ID4: variants seen among roughly 807,000 people sequenced by gnomAD.
ID4 encodes inhibitor of DNA binding 4.
A neutral mutation model predicts 8.6 loss-of-function variants in ID4; 9 were observed. That is an observed-to-expected ratio of 1.04 (90% CI 0.63 to 1.82). The LOEUF is 1.82. Ranked by LOEUF, ID4 falls within the 40% of genes most tolerant of loss-of-function variation. The pLI is 0.00. For synonymous variants in ID4, 180 were observed against 118.0 expected (o/e 1.53, Z -3.41); for missense variants, 270 against 235.1 (o/e 1.15, Z -0.97).
At chr6:19,838,317 T>C in intron 1 of ID4, 122 bp downstream of exon 1, 6 of 1,017,448 alleles carry the variant, frequency 5.9e-6, no homozygotes, top group Non-Finnish European at 7.9e-6. Flanking sequence ...GACAGCCCCC[T>C]CCCCCTGCTC....
At position 19,838,209 on chromosome 6, in the gene ID4, C is replaced by A; in HGVS notation, c.441+14C>A. The A allele has an allele frequency of 1.5e-6, 2 of 1,346,372 alleles. No individual in the cohort carries two copies. The highest frequency in any genetic ancestry group is 1.9e-6 in the Non-Finnish European group (2 of 1,055,258). 83.4% of individuals were successfully genotyped at this position (1,346,372 alleles called of 1,614,324 possible). On this transcript the variant is annotated intron_variant, in intron 1 of 2. Coordinates refer to ENST00000378700, the MANE Select transcript of ID4 (RefSeq NM_001546.4). ...AACACCGACCCGGTGAGAGGCCGGG[C>A]GCCGGCCGTGGGCGGACGCCGCGGG... is the stretch of plus-strand genomic sequence containing the variant.
In ID4 at chr6:19,841,189, GTA is replaced by G. The variant is rs1193038487; in HGVS notation, c.*1996_*1997del. Among the ~76,000 whole-genome samples the G allele has an allele frequency of 6.6e-6, 1 of 152,156 alleles. No individual in the cohort carries two copies. The highest frequency in any genetic ancestry group is 1.9e-4 in the East Asian group (1 of 5,204). ...AGCTCTGATAATTTACTGGTCTTGA[GTA>G]TTTTGAGAATTTGATGTTGAACGTT... On this transcript the variant is annotated 3_prime_UTR_variant, in exon 3 of 3. Transcript: ENST00000378700.
At position 19,838,166 on chromosome 6, in the gene ID4, ACC is replaced by A. The variant is rs1761266797; in HGVS notation, c.415_416del (p.Pro139AlafsTer40). ...GACCTGTCCAGCCGCGCCGCCGCGGACCCCGCTCACTGCGCTCAACACCGACC... is the reference window on the plus strand; with the variant it reads ...GACCTGTCCAGCCGCGCCGCCGCGGACCGCTCACTGCGCTCAACACCGACC... ...AGTCPAAPPR[T>X]PLTALNTDPA... On this transcript the variant is annotated frameshift_variant, in exon 1 of 3. Coordinates refer to ENST00000378700, the MANE Select transcript of ID4 (RefSeq NM_001546.4). LOFTEE classifies it high-confidence loss of function. 2 of 1,502,114 alleles carry A rather than the reference ACC, an allele frequency of 1.3e-6. No individual in the cohort carries two copies. Among genetic ancestry groups the A allele is most frequent in the Non-Finnish European group, 1.8e-6 (2 of 1,125,238 alleles). The allele number at this position is 1,502,114 out of a possible 1,614,324, so 93.0% of individuals were successfully genotyped here.
Position 19,839,198 on chromosome 6 carries a change from C to T in ID4, c.*15-12C>T, listed in dbSNP as rs41271301. 1.9e-3 allele frequency: 287 copies of T among 154,150 alleles called. 1 individual carries two copies. Among genetic ancestry groups the T allele is most frequent in the Non-Finnish European group, 2.8e-3 (195 of 68,966 alleles). 9.5% of individuals were successfully genotyped at this position (154,150 alleles called of 1,614,324 possible). A position where few individuals can be genotyped will look rare whatever the true frequency, so the allele number is the denominator to read the frequency against. ...GGTTCACACACCCCCTCTATTCATT[C>T]CTCTTCCACAGGTGTGCGGCCGCCT... is the stretch of plus-strand genomic sequence containing the variant. On this transcript the variant is annotated splice_polypyrimidine_tract_variant and intron_variant, in intron 2 of 2. Transcript: ENST00000378700.
Position 19,838,102 on chromosome 6 carries a change from G to A in ID4, c.348G>A (p.Arg116=). ...TGGAGACGCACCCGGCCCTGCTGAG[G>A]CAGCCACCACCGCCCGCGCCGCCAC... ...LALETHPALL[R]QPPPPAPPHH... is the part of the protein sequence containing the mutation. Residue 116 remains arginine, a synonymous_variant, in exon 1 of 3, where the codon AGG becomes AGA. Transcript: ENST00000378700. 1.9e-6 allele frequency: 3 copies of A among 1,598,800 alleles called. No individual in the cohort carries two copies. The highest frequency in any genetic ancestry group is 2.6e-6 in the Non-Finnish European group (3 of 1,173,476).
intron 1 of ID4, 90 bp downstream of exon 1, chr6:19,838,285 C>A: frequency 8.5e-7 from 1 of 1,183,232 alleles, no homozygotes; most frequent in Non-Finnish European, 1.1e-6. Flanking sequence ...CACCGTCCTC[C>A]GGGCAGGGGC....
rs1456186910 is a variant in ID4, at chr6:19,839,536, C to G, written c.*341C>G. The G allele has an allele frequency of 4.6e-5, 7 of 152,336 alleles. No individual in the cohort carries two copies. Among genetic ancestry groups the G allele is most frequent in the Non-Finnish European group, 8.8e-5 (6 of 67,986 alleles). 9.4% of individuals were successfully genotyped at this position (152,336 alleles called of 1,614,324 possible). ...ATAAATAGAAGATCAAGAGTAGATC[C>G]GACTTTAGAAGCCTACTTTGTGACC... On this transcript the variant is annotated 3_prime_UTR_variant, in exon 3 of 3. Transcript: ENST00000378700.
chr6:19,839,371 T>C lies in ID4; in HGVS notation c.*176T>C, dbSNP rs1761308649. 1.3e-5 allele frequency: 2 copies of C among 152,776 alleles called. No homozygotes were observed. Among genetic ancestry groups the C allele is most frequent in the African/African-American group, 4.8e-5 (2 of 41,570 alleles). The allele number at this position is 152,776 out of a possible 1,614,324, so 9.5% of individuals were successfully genotyped here. On this transcript the variant is annotated 3_prime_UTR_variant, in exon 3 of 3. Transcript: ENST00000378700. ...AGAGAGAGGAAAGAAAAATACAACT[T>C]TCATTCTTTCTTTGCACGTTCATAA...
intron 1 of ID4, 52 bp from the exon 2 acceptor site, chr6:19,838,532 C>A (rs1039604776): frequency 3.1e-6 from 5 of 1,611,488 alleles, no homozygotes; most frequent in Non-Finnish European, 4.2e-6. Context: ...CCGTGTCGAG[C>A]GCGTTGTTTG....
chr6:19,838,827 C>A (rs1581595319), intron 2 of ID4, 185 bp downstream of exon 2: 2 of 586,714 alleles, frequency 3.4e-6, no homozygotes, highest in East Asian at 5.9e-5. Context: ...CCTTAGAACT[C>A]GAGGTTCAGT....
chr6:19,837,918 C>T lies in ID4; in HGVS notation c.164C>T (p.Ala55Val), dbSNP rs772859582. Residue 55 changes from alanine (A) to valine (V), a missense_variant, in exon 1 of 3, where the codon GCG becomes GTG. Around this residue, in one of 3 missense-constraint regions of ID4, gnomAD observed 160 missense variants for 131.5 expected, o/e 1.22. Transcript: ENST00000378700. ...GCAGCGCGCTGTAAGGCGGCCGAGGCGGCGGCCGACGAGCCGGCGCTGTGC... is the reference window on the plus strand; with the variant it reads ...GCAGCGCGCTGTAAGGCGGCCGAGGTGGCGGCCGACGAGCCGGCGCTGTGC... ...AAAARCKAAE[A>V]AADEPALCLQ... The T allele has an allele frequency of 1.5e-5, 22 of 1,426,938 alleles. 1 individual carries two copies. In the South Asian group the frequency reaches 2.7e-4, roughly 18 times the overall value. The allele number at this position is 1,426,938 out of a possible 1,614,324, so 88.4% of individuals were successfully genotyped here.
Position 19,837,828 on chromosome 6 carries a change from T to G in ID4, c.74T>G (p.Leu25Arg). Residue 25 changes from leucine to arginine, a missense_variant, in exon 1 of 3, where the codon CTG (leucine) becomes CGG (arginine). Transcript: ENST00000378700. Reference sequence around the variant, plus strand: ...GGCTGCGGCGGCGGGGAGCTGGCGCTGCGCTGCCTGGCCGAGCACGGCCAC... The same window carrying G: ...GGCTGCGGCGGCGGGGAGCTGGCGCGGCGCTGCCTGGCCGAGCACGGCCAC... Reference protein sequence around the residue: ...PSGCGGGELALRCLAEHGHSL... With the variant: ...PSGCGGGELARRCLAEHGHSL... The G allele has an allele frequency of 8.7e-7, 1 of 1,152,266 alleles. No individual in the cohort carries two copies. The highest frequency in any genetic ancestry group is 1.1e-6 in the Non-Finnish European group (1 of 937,150). 71.4% of individuals were successfully genotyped at this position (1,152,266 alleles called of 1,614,324 possible). A position where few individuals can be genotyped will look rare whatever the true frequency, so the allele number is the denominator to read the frequency against.
At position 19,837,579 on chromosome 6, in the gene ID4, G is replaced by T. The variant is rs1761243261; in HGVS notation, c.-176G>T. 2 of 290,854 alleles carry T rather than the reference G, an allele frequency of 6.9e-6. No homozygotes were observed. 18.0% of individuals were successfully genotyped at this position (290,854 alleles called of 1,614,324 possible). On this transcript the variant is annotated 5_prime_UTR_variant, in exon 1 of 3. Coordinates refer to ENST00000378700, the MANE Select transcript of ID4 (RefSeq NM_001546.4). ...TCGCCCACTGAGCAAAGATTCCCTC[G>T]TAAAACCCAGAGCGACCCTCCCGTC...
At position 19,839,615 on chromosome 6, in the gene ID4, TA is replaced by T. The variant is rs1761314147; in HGVS notation, c.*421del. On this transcript the variant is annotated 3_prime_UTR_variant, in exon 3 of 3. Transcript: ENST00000378700. The stretch of plus-strand genomic sequence containing the variant: ...TACTAATCTACCAGAGCATTGTAGA[TA>T]TTTTTTTTTTACATCTATTGTTTAA... The T allele has an allele frequency of 7.0e-6, 1 of 141,922 alleles. No individual in the cohort carries two copies. Among genetic ancestry groups the T allele is most frequent in the Non-Finnish European group, 1.5e-5 (1 of 64,908 alleles). The allele number at this position is 141,922 out of a possible 1,614,324, so 8.8% of individuals were successfully genotyped here. A position where few individuals can be genotyped will look rare whatever the true frequency, so the allele number is the denominator to read the frequency against.
rs1761270166 is a variant in ID4 at position 19,838,254 on chromosome 6, T to G, written c.441+59T>G. The G allele has an allele frequency of 2.3e-6, 3 of 1,294,560 alleles. No individual in the cohort carries two copies. The East Asian group carries it at 9.6e-5, about 41-fold the overall frequency. The allele number at this position is 1,294,560 out of a possible 1,614,324, so 80.2% of individuals were successfully genotyped here. On this transcript the variant is annotated intron_variant, in intron 1 of 2. Transcript: ENST00000378700. ...CGCGGGGGATGGGAGGTTGGTGGCG[T>G]GGTGGCGGGACGCGGGCGCTCACCG...
rs567998355 is a variant in ID4, at chr6:19,841,302, C to A, written c.*2107C>A. On this transcript the variant is annotated 3_prime_UTR_variant, in exon 3 of 3. Transcript: ENST00000378700. The stretch of plus-strand genomic sequence containing the variant: ...CTTGTCACACATCAAGAAGAAAACA[C>A]TAGAGTGCTGCTGGAATTCCAAATC... 6.6e-6 allele frequency among the ~76,000 whole-genome samples: 1 copy of A among 152,274 alleles called. No homozygotes were observed. Among genetic ancestry groups the A allele is most frequent in the Admixed American group, 6.5e-5 (1 of 15,294 alleles).
rs750417046 is a variant in ID4 at position 19,838,020 on chromosome 6, G to C, written c.266G>C (p.Ser89Thr). ...ACCATCCCGCCCAACAAGAAAGTCA[G>C]CAAAGTGGAGATCCTGCAGCACGTT... ...VPTIPPNKKVSKVEILQHVID... is the reference protein window; with the variant it reads ...VPTIPPNKKVTKVEILQHVID... The change falls in exon 1 of 3, where the codon AGC becomes ACC. Residue 89 changes from serine (S) to threonine (T), a missense_variant. Around this residue, in one of 3 missense-constraint regions of ID4, gnomAD observed 160 missense variants for 131.5 expected, o/e 1.22. Transcript: ENST00000378700. 3.7e-6 allele frequency: 6 copies of C among 1,605,220 alleles called. No homozygotes were observed. The African/African-American group carries it at 8.1e-5, about 22-fold the overall frequency.
At position 19,839,349 on chromosome 6, in the gene ID4, G is replaced by T. The variant is rs1351586668; in HGVS notation, c.*154G>T. 1 of 152,704 alleles carries T rather than the reference G, an allele frequency of 6.5e-6. No individual in the cohort carries two copies. The highest frequency in any genetic ancestry group is 1.9e-4 in the East Asian group (1 of 5,198). 9.5% of individuals were successfully genotyped at this position (152,704 alleles called of 1,614,324 possible). A position where few individuals can be genotyped will look rare whatever the true frequency, so the allele number is the denominator to read the frequency against. ...TTTTCATTCGTCATTCCAAGAGAGA[G>T]AGAGGAAAGAAAAATACAACTTTCA... On this transcript the variant is annotated 3_prime_UTR_variant, in exon 3 of 3. Transcript: ENST00000378700.
chr6:19,837,874 C>CGCGGCGGCG lies in ID4; in HGVS notation c.132_140dup (p.Ala46_Ala48dup), dbSNP rs537169414. ...GCCACAGCCTGGGTGGCTCCGCAGCCGCGGCGGCGGCGGCGGCGGCAGCGC... is the reference window on the plus strand; with the variant it reads ...GCCACAGCCTGGGTGGCTCCGCAGCCGCGGCGGCGGCGGCGGCGGCGGCGGCGGCAGCGC... On this transcript the variant is annotated inframe_insertion, in exon 1 of 3. Coordinates refer to ENST00000378700, the MANE Select transcript of ID4 (RefSeq NM_001546.4). 34 of 1,277,070 alleles carry CGCGGCGGCG rather than the reference C, an allele frequency of 2.7e-5. No individual in the cohort carries two copies. The highest frequency in any genetic ancestry group is 6.4e-5 in the African/African-American group (4 of 62,940). 79.1% of individuals were successfully genotyped at this position (1,277,070 alleles called of 1,614,324 possible).
Sources: gnomAD v4.1 joint callset for allele counts (sites outside exome capture counted in the v4.1 genomes callset) on GRCh38, gnomAD v4.1.1 for gene constraint, gnomAD v4.1.1 regional missense constraint, MANE v1.5 for transcripts, NCBI Gene and HGNC (gene_info 2026-07-23, HGNC 2026-07-21) for gene names.